ABHD6: variants seen among roughly 807,000 people sequenced by gnomAD.
The protein encoded by ABHD6 is monoacylglycerol lipase ABHD6.
A neutral mutation model predicts 38.8 loss-of-function variants in ABHD6; 33 were observed. The ratio of observed to expected loss-of-function variants is 0.85; its 90% CI spans 0.64 to 1.14. The LOEUF (loss-of-function observed/expected upper bound fraction) is 1.14. Among genes scored for constraint, ABHD6 ranks in the 50% most tolerant of loss-of-function variants. The pLI is 0.00. For synonymous variants in ABHD6, 147 were observed against 161.6 expected (o/e 0.91, Z 0.69); for missense variants, 380 against 422.6 (o/e 0.90, Z 0.88).
chr3:58,258,977 G>A (rs548611528), intron 3 of ABHD6, among the ~76,000 whole-genome samples: 2 of 152,286 alleles, frequency 1.3e-5, no homozygotes, highest in South Asian at 4.1e-4. Flanking sequence ...TGCTTTGTGG[G>A]CTAAGGCTCC....
At chr3:58,271,766 GTTTTTT>G (rs3038091) in intron 6 of ABHD6, among the ~76,000 whole-genome samples, 7 of 63,618 alleles carry the variant, frequency 1.1e-4, no homozygotes, top group African/African-American at 2.1e-4. Context: ...CCCTCTCTCT[GTTTTTT>G]TTTTTTTTTT....
chr3:58,245,944 T>C (rs1019780621), intron 1 of ABHD6, among the ~76,000 whole-genome samples: 3 of 152,208 alleles, frequency 2.0e-5, no homozygotes, highest in Non-Finnish European at 4.4e-5. Context: ...TGAGGTTCTA[T>C]TTTTTCCATC....
chr3:58,247,168 A>G (rs2097427018), intron 1 of ABHD6, among the ~76,000 whole-genome samples: 1 of 151,552 alleles, frequency 6.6e-6, no homozygotes, highest in Non-Finnish European at 1.5e-5. Flanking sequence ...ACGCCTGGCT[A>G]ATTTTTGTAT....
At chr3:58,274,595 T>C (rs1025642833) in intron 6 of ABHD6, 63 bp from the exon 7 acceptor site, 1 of 1,541,132 alleles carries the variant, frequency 6.5e-7, no homozygotes, top group African/African-American at 1.4e-5. Context: ...AAGTTCCCTA[T>C]ATAAAATGGG....
chr3:58,258,293 G>A, intron 3 of ABHD6: 3 of 389,224 alleles, frequency 7.7e-6, no homozygotes, highest in African/African-American at 2.1e-5. Context: ...GGCAACAAGA[G>A]CAGAACTGCA....
rs964066719 is a variant in ABHD6 at position 58,267,897 on chromosome 3, T to C, written c.276+552T>C. On this transcript the variant is annotated intron_variant, in intron 4 of 9. Transcript: ENST00000478253. The surrounding 1 kb of genome is among the most constrained non-coding windows in gnomAD (Gnocchi z 4.3). ...GAGTTTGAGACCAGCCTGGGCAACA[T>C]AGGGAGACTCCGTCTCTACAAAAAA... Among the ~76,000 whole-genome samples, 1 of 151,742 alleles carries C rather than the reference T, an allele frequency of 6.6e-6. No homozygotes were observed. Among genetic ancestry groups the C allele is most frequent in the African/African-American group, 2.4e-5 (1 of 41,300 alleles).
intron 1 of ABHD6, among the ~76,000 whole-genome samples, chr3:58,245,066 GC>G (rs1401010022): frequency 6.6e-6 from 1 of 152,170 alleles, no homozygotes; most frequent in Non-Finnish European, 1.5e-5. Flanking sequence ...GTCTTGTCCT[GC>G]CAAAGCCTGC....
intron 1 of ABHD6, among the ~76,000 whole-genome samples, chr3:58,249,331 C>T (rs147621794): frequency 1.3e-5 from 2 of 152,234 alleles, no homozygotes; most frequent in Non-Finnish European, 2.9e-5. Context: ...TCATCTGAAA[C>T]AATTCAGGGG....
chr3:58,239,735 G>T (rs2097421498), intron 1 of ABHD6, among the ~76,000 whole-genome samples: 2 of 152,132 alleles, frequency 1.3e-5, no homozygotes, highest in South Asian at 4.2e-4. Flanking sequence ...CTTGATATGA[G>T]AAAAAAATTG....
chr3:58,286,852 G>GTATATATATA lies in ABHD6; in HGVS notation c.837+1407_837+1416dup, dbSNP rs1235603195. On this transcript the variant is annotated intron_variant, in intron 9 of 9. Transcript: ENST00000478253. ...TGTGTGTGTGTGTGTGTGTGTGTGTGTATATATATATATATATGTATATGT... is the reference window on the plus strand; with the variant it reads ...TGTGTGTGTGTGTGTGTGTGTGTGTGTATATATATATATATATATATATATATGTATATGT... 6.2e-4 allele frequency among the ~76,000 whole-genome samples: 44 copies of GTATATATATA among 70,564 alleles called. 3 individuals carry two copies. Among genetic ancestry groups the GTATATATATA allele is most frequent in the East Asian group, 3.1e-3 (2 of 642 alleles). The allele number at this position is 70,564 out of a possible 152,430, so 46.3% of individuals were successfully genotyped here.
intron 6 of ABHD6, 40 bp from the exon 7 acceptor site, chr3:58,274,618 G>C (rs760607006): frequency 3.8e-6 from 6 of 1,598,134 alleles, no homozygotes; most frequent in Admixed American, 1.7e-5. Context: ...TGGTAAGAAG[G>C]TGGATGTATC....
intron 6 of ABHD6, 82 bp downstream of exon 6, chr3:58,271,146 T>A: frequency 6.9e-7 from 1 of 1,446,592 alleles, no homozygotes; most frequent in Non-Finnish European, 9.2e-7. Flanking sequence ...TGACCGTTTT[T>A]TGGAATCATC....
Position 58,287,777 on chromosome 3 carries a change from A to G in ABHD6, c.837+2324A>G, listed in dbSNP as rs1235623559. On this transcript the variant is annotated intron_variant, in intron 9 of 9. Transcript: ENST00000478253. The surrounding 1 kb of genome is among the most constrained non-coding windows in gnomAD (Gnocchi z 4.7). The stretch of plus-strand genomic sequence containing the variant: ...AAGGGCACTGGCCTTGGATTCTGAA[A>G]GTCTATGTTCCAGCCCTACTTTTGT... Among the ~76,000 whole-genome samples the G allele has an allele frequency of 6.6e-6, 1 of 152,192 alleles. No homozygotes were observed.
rs2097443253 is a variant in ABHD6, at chr3:58,269,441, A to G, written c.390+7A>G. On this transcript the variant is annotated splice_region_variant and intron_variant, in intron 5 of 9. Coordinates refer to ENST00000478253, the MANE Select transcript of ABHD6 (RefSeq NM_001320126.2). This position sits in a 1 kb window ranked among gnomAD's most constrained non-coding sequence, Gnocchi z 4.4. ...AGTTAAGAGGATACACCAGGTAAGC[A>G]GGAGGCTCTACCAAAGATTGCCCAG... The G allele has an allele frequency of 6.2e-7, 1 of 1,606,806 alleles. No individual in the cohort carries two copies. The highest frequency in any genetic ancestry group is 1.3e-5 in the African/African-American group (1 of 74,926).
rs1380128560 is a variant in ABHD6 at position 58,266,392 on chromosome 3, G to A, written c.120-797G>A. ...CCGGGAGGTGGAGGTTGCAGTGAGC[G>A]GAAATTGCCCCAGCGTGGGTGACAG... On this transcript the variant is annotated intron_variant, in intron 3 of 9. Transcript: ENST00000478253. The surrounding 1 kb of genome is among the most constrained non-coding windows in gnomAD (Gnocchi z 4.0). Among the ~76,000 whole-genome samples the A allele has an allele frequency of 3.3e-5, 5 of 151,380 alleles. No homozygotes were observed. The highest frequency in any genetic ancestry group is 2.1e-4 in the South Asian group (1 of 4,814).
Position 58,269,458 on chromosome 3 carries a change from AT to A in ABHD6, c.390+26del, listed in dbSNP as rs777621392. On this transcript the variant is annotated intron_variant, in intron 5 of 9. Coordinates refer to ENST00000478253, the MANE Select transcript of ABHD6 (RefSeq NM_001320126.2). The surrounding 1 kb of genome is among the most constrained non-coding windows in gnomAD (Gnocchi z 4.4). ...AGGTAAGCAGGAGGCTCTACCAAAG[AT>A]TGCCCAGACTGTCTCAGCCACCATT... 34 of 1,576,782 alleles carry A rather than the reference AT, an allele frequency of 2.2e-5. No individual in the cohort carries two copies. The African/African-American group carries it at 4.3e-4, about 20-fold the overall frequency.
At position 58,294,341 on chromosome 3, in the gene ABHD6, C is replaced by G. The variant is rs1468932590; in HGVS notation, c.*576C>G. 3.3e-5 allele frequency: 5 copies of G among 152,854 alleles called. No individual in the cohort carries two copies. The highest frequency in any genetic ancestry group is 1.2e-4 in the African/African-American group (5 of 41,440). 9.5% of individuals were successfully genotyped at this position (152,854 alleles called of 1,614,324 possible). A position where few individuals can be genotyped will look rare whatever the true frequency, so the allele number is the denominator to read the frequency against. ...CATGGAGGGGCATTGCTCTAGCCCT[C>G]AGAGCGTCCGGAGCAGCAGGGTACA... On this transcript the variant is annotated 3_prime_UTR_variant, in exon 10 of 10. Transcript: ENST00000478253.
At chr3:58,261,899 A>T (rs2097437251) in intron 3 of ABHD6, among the ~76,000 whole-genome samples, 1 of 152,236 alleles carries the variant, frequency 6.6e-6, no homozygotes, top group Non-Finnish European at 1.5e-5. Context: ...CAATGTCCAT[A>T]GCAGCATTCT....
Position 58,269,540 on chromosome 3 carries a change from C to G in ABHD6, c.390+106C>G, listed in dbSNP as rs1405563205. On this transcript the variant is annotated intron_variant, in intron 5 of 9. Coordinates refer to ENST00000478253, the MANE Select transcript of ABHD6 (RefSeq NM_001320126.2). This position sits in a 1 kb window ranked among gnomAD's most constrained non-coding sequence, Gnocchi z 4.4. ...AGTCCTGTGCTACCTCATGACCAGT[C>G]TCCTGTACATTCTGTCTACAAGTGA... 4.9e-6 allele frequency: 4 copies of G among 823,856 alleles called. No individual in the cohort carries two copies. The highest frequency in any genetic ancestry group is 7.9e-6 in the Non-Finnish European group (4 of 503,526). 51.0% of individuals were successfully genotyped at this position (823,856 alleles called of 1,614,324 possible).
Sources: gnomAD v4.1 joint callset for allele counts (sites outside exome capture counted in the v4.1 genomes callset) on GRCh38, gnomAD v4.1.1 for gene constraint, Gnocchi (gnomAD v3.1) non-coding constraint, MANE v1.5 for transcripts, NCBI Gene and HGNC (gene_info 2026-07-23, HGNC 2026-07-21) for gene names.